The following GOLGA6C variants were observed in gnomAD, a reference collection of about 807,000 sequenced individuals.
GOLGA6C encodes the protein golgin subfamily A member 6C.
GOLGA6C carries 3 observed loss-of-function variants against 57.5 expected under a neutral mutation model. The ratio of observed to expected loss-of-function variants is 0.05; its 90% CI spans 0.02 to 0.13. The LOEUF (loss-of-function observed/expected upper bound fraction) is 0.13. Among genes scored for constraint, GOLGA6C ranks in the 10% least tolerant of loss-of-function variants. The probability of loss-of-function intolerance (pLI) is 1.00; values close to 1 mark genes in which losing one functional copy is unlikely to be tolerated. For synonymous variants in GOLGA6C, 32 were observed against 203.8 expected, an observed-to-expected ratio of 0.16 and a Z score of 7.18; for missense variants, 88 against 525.6, an observed-to-expected ratio of 0.17 and a Z score of 8.14.
rs1409257890 is a variant in GOLGA6C at position 75,270,151 on chromosome 15, C to G, written c.2034C>G (p.Pro678=). ...GGGAGGGTTCTCCCCATGACAACCCCCCGGTACAGCAGATCGTGCAGCTGT... is the reference window on the plus strand; with the variant it reads ...GGGAGGGTTCTCCCCATGACAACCCGCCGGTACAGCAGATCGTGCAGCTGT... ...AAREGSPHDN[P]PVQQIVQLSP... The change falls in exon 18 of 18, where the codon CCC becomes CCG. Residue 678 remains proline, a synonymous_variant. Coordinates refer to ENST00000300576, the MANE Select transcript of GOLGA6C (RefSeq NM_001164404.2). 1 of 1,592,488 alleles carries G rather than the reference C, an allele frequency of 6.3e-7. No individual in the cohort carries two copies. The highest frequency in any genetic ancestry group is 8.5e-7 in the Non-Finnish European group (1 of 1,174,512).
At position 75,273,305 on chromosome 15, in the gene GOLGA6C, A is replaced by G. The variant is rs1353845547; in HGVS notation, c.*3106A>G. 6.6e-6 allele frequency among the ~76,000 whole-genome samples: 1 copy of G among 151,714 alleles called. No homozygotes were observed. The highest frequency in any genetic ancestry group is 1.5e-5 in the Non-Finnish European group (1 of 67,992). On this transcript the variant is annotated 3_prime_UTR_variant, in exon 18 of 18. Transcript: ENST00000300576. The stretch of plus-strand genomic sequence containing the variant: ...TTCCAATGCAAGGCTTTATTTGCCA[A>G]GTTTTCTTAGAATGACTTTTACCAG...
At position 75,270,333 on chromosome 15, in the gene GOLGA6C, T is replaced by C; in HGVS notation, c.*134T>C. 7.0e-7 allele frequency: 1 copy of C among 1,426,100 alleles called. No homozygotes were observed. Among genetic ancestry groups the C allele is most frequent in the Non-Finnish European group, 9.4e-7 (1 of 1,069,210 alleles). 88.3% of individuals were successfully genotyped at this position (1,426,100 alleles called of 1,614,324 possible). A position where few individuals can be genotyped will look rare whatever the true frequency, so the allele number is the denominator to read the frequency against. On this transcript the variant is annotated 3_prime_UTR_variant, in exon 18 of 18. Coordinates refer to ENST00000300576, the MANE Select transcript of GOLGA6C (RefSeq NM_001164404.2). ...ACAACAACAACAAAAAGTTACGGGG[T>C]TCATCTCCTACACAATTCATTTACT... is the stretch of plus-strand genomic sequence containing the variant.
rs1172945328 is a variant in GOLGA6C at position 75,273,448 on chromosome 15, CA to C, written c.*3252del. On this transcript the variant is annotated 3_prime_UTR_variant, in exon 18 of 18. Transcript: ENST00000300576. ...AATGTAATAAATTATTAAATTGTTG[CA>C]AAGTGCTGTTTTTGCCTTAAAATTT... Among the ~76,000 whole-genome samples the C allele has an allele frequency of 6.6e-6, 1 of 152,110 alleles. No homozygotes were observed. The highest frequency in any genetic ancestry group is 1.5e-5 in the Non-Finnish European group (1 of 68,054).
Position 75,273,050 on chromosome 15 carries a change from T to G in GOLGA6C, c.*2851T>G. 6.6e-6 allele frequency among the ~76,000 whole-genome samples: 1 copy of G among 152,014 alleles called. No individual in the cohort carries two copies. The highest frequency in any genetic ancestry group is 1.5e-5 in the Non-Finnish European group (1 of 68,054). On this transcript the variant is annotated 3_prime_UTR_variant, in exon 18 of 18. Transcript: ENST00000300576. ...TTTTCCAGAAATGAAAACAAGTCAG[T>G]TCTAAAACCAAAGCTGATATTTAGA...
chr15:75,264,439 G>GGTGTGTGTGTGTGTGT (rs368165570), intron 7 of GOLGA6C, among the ~76,000 whole-genome samples: 9 of 117,276 alleles, frequency 7.7e-5, no homozygotes, highest in Admixed American at 1.7e-4. Flanking sequence ...AGAGGAAAGG[G>GGTGTGTGTGTGTGTGT]GTGTGTGTGT....
chr15:75,272,652 T>C lies in GOLGA6C; in HGVS notation c.*2453T>C, dbSNP rs2070793518. Among the ~76,000 whole-genome samples, 1 of 151,958 alleles carries C rather than the reference T, an allele frequency of 6.6e-6. No homozygotes were observed. Among genetic ancestry groups the C allele is most frequent in the South Asian group, 2.1e-4 (1 of 4,834 alleles). On this transcript the variant is annotated 3_prime_UTR_variant, in exon 18 of 18. Coordinates refer to ENST00000300576, the MANE Select transcript of GOLGA6C (RefSeq NM_001164404.2). ...CACACCGGCATATTTAAGCTGAATGTCAGTCTGGAAAATGAATGTACTATA... is the reference window on the plus strand; with the variant it reads ...CACACCGGCATATTTAAGCTGAATGCCAGTCTGGAAAATGAATGTACTATA...
intron 1 of GOLGA6C, among the ~76,000 whole-genome samples, chr15:75,259,226 G>C (rs1260063530): frequency 4.0e-5 from 6 of 149,908 alleles, no homozygotes; most frequent in Non-Finnish European, 1.5e-5. Context: ...GCACTGATGA[G>C]GTTTCCCCCA....
At chr15:75,266,032 T>A in intron 10 of GOLGA6C, 73 bp from the exon 11 acceptor site, 1 of 1,558,616 alleles carries the variant, frequency 6.4e-7, no homozygotes, top group Admixed American at 2.2e-5. Flanking sequence ...GAGGTTTTTT[T>A]TTTTTTTTGA....
chr15:75,264,793 AC>A (rs2070749810), intron 7 of GOLGA6C, among the ~76,000 whole-genome samples: 1 of 134,242 alleles, frequency 7.4e-6, no homozygotes, highest in Non-Finnish European at 1.6e-5. Context: ...AATCCTAGTA[AC>A]CGTCTCATAT....
chr15:75,266,017 A>C (rs1195704911), intron 10 of GOLGA6C, 88 bp from the exon 11 acceptor site: 1 of 1,544,154 alleles, frequency 6.5e-7, no homozygotes, highest in African/African-American at 1.4e-5. Flanking sequence ...GCTGTGCATC[A>C]AGAGGAGGTT....
In GOLGA6C at chr15:75,269,472, CGAA is replaced by C. The variant is rs1567165696; in HGVS notation, c.1615_1617del (p.Lys539del). 3 of 1,075,680 alleles carry C rather than the reference CGAA, an allele frequency of 2.8e-6. No homozygotes were observed. In the South Asian group the frequency reaches 4.0e-5, roughly 14 times the overall value. The allele number at this position is 1,075,680 out of a possible 1,614,324, so 66.6% of individuals were successfully genotyped here. ...CTCCAGAGCAGCTTTATGGACCTCC[CGAA>C]GGAGAAGGCGGACGGGACGGAGCAG... is the stretch of plus-strand genomic sequence containing the variant. On this transcript the variant is annotated inframe_deletion, in exon 15 of 18. Transcript: ENST00000300576.
At position 75,273,278 on chromosome 15, in the gene GOLGA6C, A is replaced by G. The variant is rs1334873314; in HGVS notation, c.*3079A>G. Among the ~76,000 whole-genome samples the G allele has an allele frequency of 9.2e-5, 14 of 151,824 alleles. No individual in the cohort carries two copies. The highest frequency in any genetic ancestry group is 9.2e-4 in the Admixed American group (14 of 15,196). On this transcript the variant is annotated 3_prime_UTR_variant, in exon 18 of 18. Transcript: ENST00000300576. ...AAGGAAAAGTAGAGAAAGAAATGCC[A>G]ATTCCAATGCAAGGCTTTATTTGCC...
chr15:75,270,071 GA>G lies in GOLGA6C; in HGVS notation c.1955del (p.Asp652ValfsTer5). On this transcript the variant is annotated frameshift_variant and splice_region_variant, in exon 18 of 18. Transcript: ENST00000300576. LOFTEE classifies it low-confidence loss of function (END_TRUNC). ...AGACCCCCGCCTCCCTCTCTCCGAAGATTTTTATGAAGTGAGCCTGGACAAC... is the reference window on the plus strand; with the variant it reads ...AGACCCCCGCCTCCCTCTCTCCGAAGTTTTTATGAAGTGAGCCTGGACAAC... ...QELGAAGEQD[D>X]FYEVSLDNNV... 1 of 1,604,106 alleles carries G rather than the reference GA, an allele frequency of 6.2e-7. No homozygotes were observed. The highest frequency in any genetic ancestry group is 2.3e-5 in the East Asian group (1 of 44,312).
rs1369059305 is a variant in GOLGA6C, at chr15:75,272,920, G to C, written c.*2721G>C. Among the ~76,000 whole-genome samples, 1 of 152,012 alleles carries C rather than the reference G, an allele frequency of 6.6e-6. No homozygotes were observed. The highest frequency in any genetic ancestry group is 2.4e-5 in the African/African-American group (1 of 41,224). ...AGAAACATAGAATTTTAAAGTGTGG[G>C]TTCAACTGAATAAATTTGAATTTCT... is the stretch of plus-strand genomic sequence containing the variant. On this transcript the variant is annotated 3_prime_UTR_variant, in exon 18 of 18. Coordinates refer to ENST00000300576, the MANE Select transcript of GOLGA6C (RefSeq NM_001164404.2).
chr15:75,269,210 A>T (rs1159459256), intron 14 of GOLGA6C, among the ~76,000 whole-genome samples: 1 of 146,692 alleles, frequency 6.8e-6, no homozygotes, highest in East Asian at 2.0e-4. Flanking sequence ...GGGCAGCGGA[A>T]GGTGCGAAGG....
chr15:75,264,439 G>GGTGTGTGTGTGT (rs368165570), intron 7 of GOLGA6C, among the ~76,000 whole-genome samples: 191 of 117,302 alleles, frequency 1.6e-3, no homozygotes, highest in Admixed American at 2.2e-3. Context: ...AGAGGAAAGG[G>GGTGTGTGTGTGT]GTGTGTGTGT....
intron 1 of GOLGA6C, 139 bp downstream of exon 1, chr15:75,258,821 C>T: frequency 1.2e-6 from 1 of 802,732 alleles, no homozygotes; most frequent in Non-Finnish European, 2.1e-6. Flanking sequence ...TGGGCTCCCC[C>T]CACCAAAGTC....
chr15:75,270,167 G>A lies in GOLGA6C; in HGVS notation c.2050G>A (p.Val684Met), dbSNP rs555485422. The A allele has an allele frequency of 4.3e-5, 68 of 1,592,122 alleles. 3 individuals carry two copies. Among genetic ancestry groups the A allele is most frequent in the South Asian group, 1.5e-4 (13 of 89,308 alleles). The change falls in exon 18 of 18, where the codon GTG becomes ATG. Residue 684 changes from valine (V) to methionine (M), a missense_variant. Transcript: ENST00000300576. The stretch of plus-strand genomic sequence containing the variant: ...TGACAACCCCCCGGTACAGCAGATC[G>A]TGCAGCTGTCTCCTGTCATGCAGGA... ...PHDNPPVQQI[V>M]QLSPVMQDT
At position 75,272,821 on chromosome 15, in the gene GOLGA6C, G is replaced by T. The variant is rs1229398919; in HGVS notation, c.*2622G>T. 6.6e-6 allele frequency among the ~76,000 whole-genome samples: 1 copy of T among 151,838 alleles called. No homozygotes were observed. Among genetic ancestry groups the T allele is most frequent in the African/African-American group, 2.4e-5 (1 of 41,040 alleles). On this transcript the variant is annotated 3_prime_UTR_variant, in exon 18 of 18. Coordinates refer to ENST00000300576, the MANE Select transcript of GOLGA6C (RefSeq NM_001164404.2). ...CAATACCTCATTCAGCCAAGTATTT[G>T]TTCTCTTCCTCATTCAGTTTAAGGC...
Sources: allele counts gnomAD v4.1 joint callset (sites outside exome capture counted in the v4.1 genomes callset), GRCh38; gene constraint gnomAD v4.1.1; transcripts MANE v1.5; gene names NCBI Gene and HGNC (gene_info 2026-07-23, HGNC 2026-07-21).